OPHN1: variants seen among roughly 807,000 people sequenced by gnomAD.
The protein encoded by OPHN1 is oligophrenin-1.
In OPHN1, 11 loss-of-function variants were observed where a neutral mutation model predicts 60.7. The observed-to-expected ratio is 0.18, with a 90% CI of 0.11 to 0.30. The LOEUF (loss-of-function observed/expected upper bound fraction) is 0.30, where lower values mean the gene tolerates loss of function less well. Among genes scored for constraint, OPHN1 ranks in the 10% least tolerant of loss-of-function variants. The pLI is 1.00. For missense variants in OPHN1, 449 were observed against 611.0 expected (o/e 0.73, Z 2.80); for synonymous variants, 226 against 222.6 (o/e 1.02, Z -0.14).
chrX:68,267,301 A>G (rs1173152150), intron 5 of OPHN1, among the ~76,000 whole-genome samples: 2 of 111,755 alleles, frequency 1.8e-5, no homozygotes, highest in East Asian at 5.6e-4. Context: ...CAGCACATGT[A>G]AAAGAACAGA....
At chrX:68,241,190 T>A (rs1383219521) in intron 5 of OPHN1, among the ~76,000 whole-genome samples, 1 of 111,950 alleles carries the variant, frequency 8.9e-6, no homozygotes, top group Non-Finnish European at 1.9e-5. Context: ...CAAAGTTCTG[T>A]GTATTCTATG....
intron 3 of OPHN1, among the ~76,000 whole-genome samples, chrX:68,287,415 G>T (rs1458097514): frequency 1.9e-5 from 2 of 105,596 alleles, no homozygotes; most frequent in African/African-American, 3.5e-5. Flanking sequence ...CAGGAGGATT[G>T]CTTGTGAGGC....
intron 2 of OPHN1, among the ~76,000 whole-genome samples, chrX:68,389,028 C>T (rs1649755855): frequency 9.3e-6 from 1 of 107,270 alleles, no homozygotes; most frequent in Admixed American, 1.0e-4. Context: ...AATCATGGCT[C>T]ACTGCCACCT....
At chrX:68,181,645 T>C (rs766221254) in intron 15 of OPHN1, among the ~76,000 whole-genome samples, 1 of 110,281 alleles carries the variant, frequency 9.1e-6, no homozygotes, top group Non-Finnish European at 1.9e-5. Flanking sequence ...GCCAACATGG[T>C]GAAACACTGT....
intron 2 of OPHN1, among the ~76,000 whole-genome samples, chrX:68,400,633 G>A (rs1258438557): frequency 1.0e-4 from 10 of 98,825 alleles, no homozygotes; most frequent in African/African-American, 3.2e-4. Context: ...ATGGAGTCTC[G>A]CTCTGTTGCC....
At position 68,066,545 on chromosome X, in the gene OPHN1, G is replaced by T. The variant is rs1422088546; in HGVS notation, c.1835-2368C>A. ...AACTATTTCTAGGTTCTGGGGTATG[G>T]TGAATAAAAATAATGATAATAGTGA... On this transcript the variant is annotated intron_variant, in intron 20 of 24. Coordinates refer to ENST00000355520, the MANE Select transcript of OPHN1 (RefSeq NM_002547.3). 9.0e-5 allele frequency among the ~76,000 whole-genome samples: 10 copies of T among 111,420 alleles called. No individual in the cohort carries two copies. The Admixed American group carries it at 9.5e-4, about 11-fold the overall frequency.
chrX:68,141,258 A>AT (rs2077241411), intron 15 of OPHN1, among the ~76,000 whole-genome samples: 2 of 112,079 alleles, frequency 1.8e-5, no homozygotes, highest in African/African-American at 3.2e-5. Flanking sequence ...GAAGGTTACC[A>AT]GTCAGACTTT....
intron 15 of OPHN1, among the ~76,000 whole-genome samples, chrX:68,161,840 A>G (rs2077336007): frequency 9.0e-6 from 1 of 111,447 alleles, no homozygotes; most frequent in South Asian, 3.7e-4. Context: ...TAAACAAGAA[A>G]ATTTATAAAG....
chrX:68,246,457 G>A (rs1369535874), intron 5 of OPHN1, among the ~76,000 whole-genome samples: 1 of 111,746 alleles, frequency 8.9e-6, no homozygotes, highest in African/African-American at 3.3e-5. Flanking sequence ...TGTTTTCTGG[G>A]ATGAGAGATA....
intron 19 of OPHN1, among the ~76,000 whole-genome samples, chrX:68,094,343 T>G (rs1317546943): frequency 9.0e-6 from 1 of 111,657 alleles, no homozygotes; most frequent in African/African-American, 3.3e-5. Flanking sequence ...ACAGTAAGCA[T>G]TAATATTATT....
At chrX:68,167,472 T>C (rs549822288) in intron 15 of OPHN1, among the ~76,000 whole-genome samples, 163 of 110,743 alleles carry the variant, frequency 1.5e-3, no homozygotes, top group Non-Finnish European at 1.9e-3. Flanking sequence ...TGAGTTACCA[T>C]ATAATCCAGC....
At chrX:68,070,874 C>G in intron 20 of OPHN1, 1 of 1,166,793 alleles carries the variant, frequency 8.6e-7, no homozygotes, top group Non-Finnish European at 1.2e-6. Context: ...GCCACAGTGG[C>G]TTGGCCAGTC....
chrX:68,162,407 A>T (rs767669472), intron 15 of OPHN1, among the ~76,000 whole-genome samples: 1 of 110,382 alleles, frequency 9.1e-6, no homozygotes, highest in Non-Finnish European at 1.9e-5. Context: ...ATAAAATAAT[A>T]AAAAAACTAA....
intron 16 of OPHN1, among the ~76,000 whole-genome samples, chrX:68,114,904 A>G (rs2077121009): frequency 1.8e-5 from 2 of 111,856 alleles, no homozygotes; most frequent in African/African-American, 6.5e-5. Context: ...AGAGGGAAGT[A>G]GAGATGCTAA....
At chrX:68,108,074 G>A (rs757173332) in intron 18 of OPHN1, among the ~76,000 whole-genome samples, 45 of 111,732 alleles carry the variant, frequency 4.0e-4, no homozygotes, top group Non-Finnish European at 8.3e-4. Flanking sequence ...CCCACCTCCA[G>A]GAGTTTTGTT....
At chrX:68,375,924 T>A (rs2078554512) in intron 2 of OPHN1, among the ~76,000 whole-genome samples, 1 of 111,055 alleles carries the variant, frequency 9.0e-6, no homozygotes, top group Non-Finnish European at 1.9e-5. Flanking sequence ...GAAGGAGCTA[T>A]AACGTAGTCT....
At chrX:68,147,797 G>A (rs1053511270) in intron 15 of OPHN1, among the ~76,000 whole-genome samples, 5 of 111,691 alleles carry the variant, frequency 4.5e-5, no homozygotes, top group Non-Finnish European at 9.4e-5. Flanking sequence ...GATAGTCAAT[G>A]CCTTAAAAGA....
chrX:68,072,256 G>A (rs758718048), intron 20 of OPHN1, among the ~76,000 whole-genome samples: 62 of 112,164 alleles, frequency 5.5e-4, no homozygotes, highest in African/African-American at 2.0e-3. Flanking sequence ...TATGACAAAA[G>A]AGGCAAGATA....
chrX:68,159,331 C>T (rs1427045580), intron 15 of OPHN1, among the ~76,000 whole-genome samples: 1 of 111,396 alleles, frequency 9.0e-6, no homozygotes, highest in African/African-American at 3.3e-5. Context: ...ATGGCTGGAG[C>T]AAGCATGAAA....
Sources: gnomAD v4.1 joint callset for allele counts (sites outside exome capture counted in the v4.1 genomes callset) on GRCh38, gnomAD v4.1.1 for gene constraint, MANE v1.5 for transcripts, NCBI Gene and HGNC (gene_info 2026-07-23, HGNC 2026-07-21) for gene names.